The following ABCC12 variants were observed in gnomAD, a reference collection of about 807,000 sequenced individuals.
ABCC12 encodes ATP binding cassette subfamily C member 12, also known as ATP-binding cassette sub-family C member 12.
A neutral mutation model predicts 151.1 loss-of-function variants in ABCC12; 142 were observed. The ratio of observed to expected loss-of-function variants is 0.94; its 90% CI spans 0.82 to 1.08. The LOEUF is 1.08. ABCC12 is among the 50% of genes least tolerant of loss of function. The pLI is 0.00. For synonymous variants in ABCC12, 645 were observed against 646.4 expected (o/e 1.00, Z 0.03); for missense variants, 1,638 against 1,691.1 (o/e 0.97, Z 0.55).
Position 48,084,232 on chromosome 16 carries a change from C to T in ABCC12, c.3829-159G>A, listed in dbSNP as rs550032247. ...ATCTCAAAAAAGAAAATGAGAAGAA[C>T]AAGAGTGAAATAAAAGTCACATCAC... On this transcript the variant is annotated intron_variant, in intron 29 of 30. Transcript: ENST00000311303. Among the ~76,000 whole-genome samples, 20 of 152,282 alleles carry T rather than the reference C, an allele frequency of 1.3e-4. No individual in the cohort carries two copies. The South Asian group carries it at 4.1e-3, about 32-fold the overall frequency.
Position 48,096,766 on chromosome 16 carries a change from A to G in ABCC12, c.3175T>C (p.Ser1059Pro). ...ATTACCTGGATGATGTATGACAATG[A>G]CAGGCCTTTGGATGAAGTACTGATG... The part of the protein sequence containing the change: ...SSISTSSKGL[S>P]LSYIIQLSGL... The change falls in exon 24 of 31, where the codon TCA becomes CCA. Residue 1059 changes from serine (S) to proline (P), a missense_variant. By Grantham distance (74) the Ser-to-Pro change is moderately conservative. Transcript: ENST00000311303. 6.2e-7 allele frequency: 1 copy of G among 1,614,030 alleles called. No individual in the cohort carries two copies. The highest frequency in any genetic ancestry group is 8.5e-7 in the Non-Finnish European group (1 of 1,179,896).
chr16:48,111,418 G>C lies in ABCC12; in HGVS notation c.2281+18C>G, dbSNP rs1567449676. 1.2e-6 allele frequency: 2 copies of C among 1,610,102 alleles called. No individual in the cohort carries two copies. Among genetic ancestry groups the C allele is most frequent in the Non-Finnish European group, 1.7e-6 (2 of 1,176,348 alleles). On this transcript the variant is annotated intron_variant, in intron 18 of 30. Coordinates refer to ENST00000311303, the MANE Select transcript of ABCC12 (RefSeq NM_001393797.1). ...ACATCCTTAAGTGTATGTGACTGAG[G>C]GGATGTGTGGTAAATACCTTTTGTG...
intron 23 of ABCC12, among the ~76,000 whole-genome samples, chr16:48,100,227 TGGAATTACAGGCGTGAGCC>T (rs1161795863): frequency 6.6e-6 from 1 of 152,224 alleles, no homozygotes; most frequent in Non-Finnish European, 1.5e-5. Context: ...TCCAAAGTGC[TGGAATTACAGGCGTGAGCC>T]ACCGCGCCCA....
chr16:48,141,097 A>G (rs977608826), intron 5 of ABCC12, 109 bp downstream of exon 5: 43 of 1,482,182 alleles, frequency 2.9e-5, no homozygotes, highest in Middle Eastern at 2.4e-4. Flanking sequence ...AAGGAGCGCA[A>G]AGATAATGAC....
rs753955432 is a variant in ABCC12 at position 48,139,228 on chromosome 16, A to C, written c.766T>G (p.Phe256Val). ...ILMVFCAAYAFFILGPTALIG... is the reference protein window; with the variant it reads ...ILMVFCAAYAVFILGPTALIG... ...AGAGCTGTGGGCCCCAGAATGAAAA[A>C]GGCGTACGCCGCACAAAAGACCATT... The change falls in exon 7 of 31, where the codon TTT becomes GTT. Residue 256 changes from phenylalanine to valine, a missense_variant. Coordinates refer to ENST00000311303, the MANE Select transcript of ABCC12 (RefSeq NM_001393797.1). The C allele has an allele frequency of 1.2e-6, 2 of 1,613,994 alleles. No homozygotes were observed. The highest frequency in any genetic ancestry group is 1.7e-6 in the Non-Finnish European group (2 of 1,179,980).
rs1962361770 is a variant in ABCC12 at position 48,081,974 on chromosome 16, TATC to T, written c.*1738_*1740del. ...AGTCTGCTTGTCATATTGGGGAAGTTATCTTATGTCCATAAAGGTGATGCCCAC... is the reference window on the plus strand; with the variant it reads ...AGTCTGCTTGTCATATTGGGGAAGTTTTATGTCCATAAAGGTGATGCCCAC... On this transcript the variant is annotated 3_prime_UTR_variant, in exon 31 of 31. Coordinates refer to ENST00000311303, the MANE Select transcript of ABCC12 (RefSeq NM_001393797.1). 6.6e-6 allele frequency among the ~76,000 whole-genome samples: 1 copy of T among 152,150 alleles called. No individual in the cohort carries two copies.
chr16:48,090,096 G>A (rs1333672684), intron 25 of ABCC12, among the ~76,000 whole-genome samples: 1 of 152,160 alleles, frequency 6.6e-6, no homozygotes, highest in Non-Finnish European at 1.5e-5. Context: ...GCACCTAAAT[G>A]TGATTGCTAG....
chr16:48,094,432 A>T (rs933954893), intron 24 of ABCC12, among the ~76,000 whole-genome samples: 5 of 152,210 alleles, frequency 3.3e-5, no homozygotes, highest in Non-Finnish European at 7.3e-5. Flanking sequence ...TTTTGATAAA[A>T]TGGAAGCAGA....
At chr16:48,085,568 C>A in intron 29 of ABCC12, 25 bp downstream of exon 29, 1 of 1,604,732 alleles carries the variant, frequency 6.2e-7, no homozygotes, top group Non-Finnish European at 8.5e-7. Context: ...AAAATTTGAC[C>A]AATCCATTTT....
intron 11 of ABCC12, among the ~76,000 whole-genome samples, chr16:48,126,147 A>C (rs1004651258): frequency 2.0e-5 from 3 of 152,178 alleles, no homozygotes; most frequent in African/African-American, 7.2e-5. Flanking sequence ...TGCCTCATGA[A>C]ATGAAGCTGA....
At chr16:48,102,395 CCATCCTGT>C (rs558230453) in intron 22 of ABCC12, among the ~76,000 whole-genome samples, 174 of 152,352 alleles carry the variant, frequency 1.1e-3, no homozygotes, top group African/African-American at 3.9e-3. Flanking sequence ...AGGCTTGCTC[CCATCCTGT>C]GGGAGTGTAC....
chr16:48,108,591 G>T, intron 18 of ABCC12, 62 bp from the exon 19 acceptor site: 1 of 1,375,652 alleles, frequency 7.3e-7, no homozygotes, highest in Non-Finnish European at 1.0e-6. Flanking sequence ...AGCGAGGTAG[G>T]CACGGCCCCT....
chr16:48,132,937 C>T (rs1176614711), intron 9 of ABCC12, among the ~76,000 whole-genome samples: 1 of 152,174 alleles, frequency 6.6e-6, no homozygotes, highest in Non-Finnish European at 1.5e-5. Flanking sequence ...TACTAAGTAG[C>T]AGAGTCTGGA....
At chr16:48,094,640 A>G (rs1319206510) in intron 24 of ABCC12, among the ~76,000 whole-genome samples, 2 of 152,200 alleles carry the variant, frequency 1.3e-5, no homozygotes, top group African/African-American at 4.8e-5. Flanking sequence ...ATGCACATGG[A>G]CACACACACA....
intron 1 of ABCC12, among the ~76,000 whole-genome samples, 175 bp downstream of exon 1, chr16:48,155,666 T>A (rs1362859031): frequency 6.6e-6 from 1 of 152,212 alleles, no homozygotes; most frequent in Non-Finnish European, 1.5e-5. Flanking sequence ...GGGAGCCTCG[T>A]CCCTGCTGCC....
At chr16:48,091,094 T>A in intron 25 of ABCC12, 26 bp downstream of exon 25, 1 of 1,609,470 alleles carries the variant, frequency 6.2e-7, no homozygotes, top group Non-Finnish European at 8.5e-7. Context: ...AACTTGTCCC[T>A]CCTCTCTGAT....
chr16:48,124,127 T>A, intron 12 of ABCC12, 86 bp downstream of exon 12: 3 of 1,415,222 alleles, frequency 2.1e-6, no homozygotes, highest in Non-Finnish European at 3.0e-6. Context: ...GCCGAGGCCA[T>A]CTGCTGGGTC....
intron 27 of ABCC12, chr16:48,087,045 G>T: frequency 2.1e-6 from 1 of 473,696 alleles, no homozygotes; most frequent in Non-Finnish European, 3.8e-6. Context: ...CACTGAGGCA[G>T]GCAATGACAG....
At chr16:48,097,465 G>A (rs1386379103) in intron 23 of ABCC12, among the ~76,000 whole-genome samples, 7 of 152,160 alleles carry the variant, frequency 4.6e-5, no homozygotes, top group Non-Finnish European at 1.0e-4. Flanking sequence ...TTATAAAGCT[G>A]GGAGCTTCTT....
Sources: gnomAD v4.1 joint callset for allele counts (sites outside exome capture counted in the v4.1 genomes callset) on GRCh38, gnomAD v4.1.1 for gene constraint, MANE v1.5 for transcripts, NCBI Gene and HGNC (gene_info 2026-07-23, HGNC 2026-07-21) for gene names.